C1QTNF3: variants seen among roughly 807,000 people sequenced by gnomAD.
C1QTNF3 encodes C1q and TNF related 3.
Under a neutral mutation model 32.6 loss-of-function variants are expected in C1QTNF3, and 26 were observed. The observed-to-expected ratio is 0.80, with a 90% CI of 0.58 to 1.11. The LOEUF (loss-of-function observed/expected upper bound fraction) is 1.11. Ranked by LOEUF, C1QTNF3 falls within the 50% of genes least tolerant of loss-of-function variation. The pLI, the probability that C1QTNF3 is intolerant of heterozygous loss-of-function variation, is 0.00. For missense variants in C1QTNF3, 362 were observed against 398.2 expected, an observed-to-expected ratio of 0.91 and a Z score of 0.77; for synonymous variants, 155 against 146.0, an observed-to-expected ratio of 1.06 and a Z score of -0.44.
At chr5:34,088,901 C>T in the C1QTNF3 span, among the ~76,000 whole-genome samples, 4 of 152,120 alleles carry the variant, frequency 2.6e-5, no homozygotes, top group Middle Eastern at 3.4e-3. Context: ...CAGAGTTATA[C>T]GCCAATCAAA....
the C1QTNF3 span, among the ~76,000 whole-genome samples, chr5:34,213,894 C>A: frequency 7.3e-6 from 1 of 137,662 alleles, no homozygotes; most frequent in African/African-American, 2.7e-5. Context: ...TCACTGCAAC[C>A]TCCGCTTCCA....
the C1QTNF3 span, among the ~76,000 whole-genome samples, chr5:34,236,065 T>A: frequency 1.3e-5 from 2 of 152,206 alleles, no homozygotes; most frequent in Admixed American, 1.3e-4. Context: ...GAAAAACGTA[T>A]ACAGAAGAGT....
intron 1 of C1QTNF3, among the ~76,000 whole-genome samples, chr5:34,040,213 AGGACAAATTTGTATGCAAAAGGCAGG>A (rs1423180773): frequency 6.6e-6 from 1 of 152,214 alleles, no homozygotes; most frequent in East Asian, 1.9e-4. Flanking sequence ...TCCCAAAAGC[AGGACAAATTTGTATGCAAAAGGCAGG>A]TAAATTTGCA....
the C1QTNF3 span, among the ~76,000 whole-genome samples, chr5:34,222,119 T>C: frequency 6.6e-6 from 1 of 151,910 alleles, no homozygotes; most frequent in Non-Finnish European, 1.5e-5. Context: ...TTTGTGATTA[T>C]CCAAATAAGT....
the C1QTNF3 span, among the ~76,000 whole-genome samples, chr5:34,231,378 C>T: frequency 1.3e-5 from 2 of 152,028 alleles, no homozygotes; most frequent in Admixed American, 1.3e-4. Flanking sequence ...AATATGGGTA[C>T]ATAAGACTGA....
the C1QTNF3 span, among the ~76,000 whole-genome samples, chr5:34,201,520 G>A: frequency 6.6e-6 from 1 of 151,954 alleles, no homozygotes; most frequent in Admixed American, 6.6e-5. Flanking sequence ...ATAAAATTGT[G>A]GTGACTGCTT....
the C1QTNF3 span, among the ~76,000 whole-genome samples, chr5:34,180,044 TACA>T: frequency 6.6e-6 from 1 of 152,420 alleles, no homozygotes; most frequent in African/African-American, 2.4e-5. Context: ...ACCTTGTTTC[TACA>T]ACAAATTTAA....
chr5:34,022,454 C>T (rs1579596547), intron 5 of C1QTNF3, among the ~76,000 whole-genome samples: 1 of 152,166 alleles, frequency 6.6e-6, no homozygotes, highest in Non-Finnish European at 1.5e-5. Context: ...AGCCAACAAA[C>T]CAATCTGATA....
At chr5:34,068,076 G>A in the C1QTNF3 span, among the ~76,000 whole-genome samples, 4 of 151,900 alleles carry the variant, frequency 2.6e-5, no homozygotes, top group East Asian at 1.9e-4. Context: ...TTAACAAGAC[G>A]ATTTAGTTTA....
upstream of C1QTNF3, among the ~76,000 whole-genome samples, chr5:34,044,067 G>T (rs183880151): frequency 8.5e-5 from 13 of 152,208 alleles, no homozygotes; most frequent in Admixed American, 7.2e-4. Context: ...GTGAGACCCT[G>T]TCTCTACTTA....
chr5:34,020,622 G>A lies in C1QTNF3; in HGVS notation c.921C>T (p.Phe307=). Reference sequence around the variant, plus strand: ...AGAGCAGGAATCCTGCAAAGGTGGAGAAGCGTTGGTGGTCCCCATGGAGAG... The same window carrying A: ...AGAGCAGGAATCCTGCAAAGGTGGAAAAGCGTTGGTGGTCCCCATGGAGAG... ...NGALHGDHQR[F]STFAGFLLFE... The change falls in exon 6 of 6, where the codon TTC becomes TTT. Residue 307 remains phenylalanine (F), a synonymous_variant. Coordinates refer to ENST00000382065, the MANE Select transcript of C1QTNF3 (RefSeq NM_181435.6). The A allele has an allele frequency of 2.5e-6, 4 of 1,614,230 alleles. No individual in the cohort carries two copies. Among genetic ancestry groups the A allele is most frequent in the Non-Finnish European group, 3.4e-6 (4 of 1,180,032 alleles).
the C1QTNF3 span, among the ~76,000 whole-genome samples, chr5:34,090,886 T>A: frequency 6.6e-6 from 1 of 152,198 alleles, no homozygotes; most frequent in Non-Finnish European, 1.5e-5. Context: ...ATAAACTTGT[T>A]TATAAAGCAC....
At chr5:34,210,325 C>T in the C1QTNF3 span, among the ~76,000 whole-genome samples, 1,176 of 152,044 alleles carry the variant, frequency 7.7e-3, 18 homozygotes, top group African/African-American at 0.027. Context: ...ACGTCATAGG[C>T]TTTAATATCA....
intron 4 of C1QTNF3, among the ~76,000 whole-genome samples, chr5:34,028,465 CAG>C (rs1338681092): frequency 6.6e-6 from 1 of 152,036 alleles, no homozygotes; most frequent in East Asian, 1.9e-4. Context: ...CAGTCTAAAT[CAG>C]AGTTAATAAT....
chr5:34,146,878 T>C, the C1QTNF3 span, among the ~76,000 whole-genome samples: 5 of 152,148 alleles, frequency 3.3e-5, no homozygotes, highest in Non-Finnish European at 7.4e-5. Flanking sequence ...AGACAACCTA[T>C]AGAGTGGGAG....
chr5:34,142,167 C>T, the C1QTNF3 span, among the ~76,000 whole-genome samples: 1 of 152,212 alleles, frequency 6.6e-6, no homozygotes, highest in Non-Finnish European at 1.5e-5. Flanking sequence ...CGCACTGGCT[C>T]ATGCCTGTAA....
chr5:34,142,431 CA>C, the C1QTNF3 span, among the ~76,000 whole-genome samples: 40 of 133,568 alleles, frequency 3.0e-4, no homozygotes, highest in Non-Finnish European at 2.5e-4. Context: ...GACTCCATCT[CA>C]AAAAAAAAAA....
the C1QTNF3 span, among the ~76,000 whole-genome samples, chr5:34,178,148 G>A: frequency 6.7e-6 from 1 of 150,220 alleles, no homozygotes; most frequent in Non-Finnish European, 1.5e-5. Flanking sequence ...GAGCATGGTG[G>A]TGCATGCCTG....
chr5:34,041,484 A>T (rs1477531094), intron 1 of C1QTNF3, among the ~76,000 whole-genome samples: 1 of 152,230 alleles, frequency 6.6e-6, no homozygotes, highest in Non-Finnish European at 1.5e-5. Context: ...GAAGGATACC[A>T]TGTGTGAAAT....
Sources: gnomAD v4.1 joint callset for allele counts (sites outside exome capture counted in the v4.1 genomes callset) on GRCh38, gnomAD v4.1.1 for gene constraint, MANE v1.5 for transcripts, NCBI Gene and HGNC (gene_info 2026-07-23, HGNC 2026-07-21) for gene names.